STON2: variants seen among roughly 807,000 people sequenced by gnomAD.
STON2 encodes the protein stonin-2.
In STON2, 29 loss-of-function variants were observed where a neutral mutation model predicts 65.7. That is an observed-to-expected ratio of 0.44 (90% confidence interval 0.33 to 0.60). The LOEUF (loss-of-function observed/expected upper bound fraction) is 0.60. Among genes scored for constraint, STON2 ranks in the 20% least tolerant of loss-of-function variants. The probability of loss-of-function intolerance (pLI) is 0.03; values close to 1 mark genes in which losing one functional copy is unlikely to be tolerated. For missense variants in STON2, 1,054 were observed against 1,118.1 expected (o/e 0.94, Z 0.82); for synonymous variants, 404 against 414.2 (o/e 0.98, Z 0.30).
rs765943827 is a variant in STON2 at position 81,398,350 on chromosome 14, G to A, written c.33C>T (p.His11=). 8.7e-6 allele frequency: 14 copies of A among 1,613,978 alleles called. No individual in the cohort carries two copies. The Admixed American group carries it at 2.2e-4, about 25-fold the overall frequency. Residue 11 remains histidine (H), a synonymous_variant, in exon 2 of 8, where the codon CAC becomes CAT. Transcript: ENST00000614646. ...CATTGAAGGAGACCCATTCTGACTG[G>A]TGGGTGGCAATCACATGGTCCAAAG... The part of the protein sequence containing the change: MTTLDHVIAT[H]QSEWVSFNEE...
chr14:81,292,761 A>G (rs980711599), intron 5 of STON2, among the ~76,000 whole-genome samples: 3 of 152,194 alleles, frequency 2.0e-5, no homozygotes, highest in Admixed American at 6.5e-5. Flanking sequence ...TACCTTTATA[A>G]TAAGTGTCTT....
At position 81,265,764 on chromosome 14, in the gene STON2, A is replaced by C. The variant is rs1295273719; in HGVS notation, c.*2650T>G. 9 of 983,390 alleles carry C rather than the reference A, an allele frequency of 9.2e-6. No individual in the cohort carries two copies. The highest frequency in any genetic ancestry group is 9.7e-6 in the Non-Finnish European group (8 of 828,660). 60.9% of individuals were successfully genotyped at this position (983,390 alleles called of 1,614,324 possible). A position where few individuals can be genotyped will look rare whatever the true frequency, so the allele number is the denominator to read the frequency against. On this transcript the variant is annotated 3_prime_UTR_variant, in exon 8 of 8. Coordinates refer to ENST00000614646, the MANE Select transcript of STON2 (RefSeq NM_001394390.1). The stretch of plus-strand genomic sequence containing the variant: ...TTTTTCCCAACTCTTGGTAAAAAAA[A>C]CAAAAAAGTCCAGGTGCATGTACAC...
chr14:81,271,658 T>G (rs936180182), intron 6 of STON2, among the ~76,000 whole-genome samples: 7 of 152,230 alleles, frequency 4.6e-5, no homozygotes, highest in Non-Finnish European at 1.0e-4. Context: ...GTAACTCCAC[T>G]ATACTCGTGA....
chr14:81,329,350 G>C lies in STON2; in HGVS notation c.572-5163C>G, dbSNP rs184975129. The stretch of plus-strand genomic sequence containing the variant: ...GGCGCCTGTAGTCCCAGCTACTGGG[G>C]AGGCTGAGGCAGGAGAATGGCATGA... On this transcript the variant is annotated intron_variant, in intron 4 of 7. Coordinates refer to ENST00000614646, the MANE Select transcript of STON2 (RefSeq NM_001394390.1). Among the ~76,000 whole-genome samples, 956 of 152,076 alleles carry C rather than the reference G, an allele frequency of 6.3e-3. 11 individuals carry two copies. The highest frequency in any genetic ancestry group is 0.021 in the African/African-American group (891 of 41,448).
chr14:81,333,403 GA>G (rs1277756495), intron 4 of STON2: 2 of 406,182 alleles, frequency 4.9e-6, no homozygotes, highest in East Asian at 4.5e-5. Context: ...GCTATTCTAA[GA>G]GCTTTAAATA....
chr14:81,403,022 G>A (rs1012000409), upstream of STON2, among the ~76,000 whole-genome samples: 1 of 152,268 alleles, frequency 6.6e-6, no homozygotes, highest in South Asian at 2.1e-4. Flanking sequence ...AATAAAAATT[G>A]TCGTATAAAT....
intron 5 of STON2, among the ~76,000 whole-genome samples, chr14:81,312,193 C>G (rs1299445667): frequency 6.6e-6 from 1 of 152,182 alleles, no homozygotes; most frequent in Non-Finnish European, 1.5e-5. Flanking sequence ...ATAGAGTCTG[C>G]TGGGATCTAA....
At chr14:81,434,611 TA>T (rs576185742) in intron 1 of STON2, among the ~76,000 whole-genome samples, 3 of 152,264 alleles carry the variant, frequency 2.0e-5, no homozygotes, top group South Asian at 4.2e-4. Context: ...GGTTGGGGGA[TA>T]GGGGGTAGTA....
intron 4 of STON2, among the ~76,000 whole-genome samples, chr14:81,332,680 G>A (rs994622167): frequency 1.3e-4 from 20 of 152,146 alleles, no homozygotes; most frequent in Non-Finnish European, 2.1e-4. Flanking sequence ...AAACAGGGAA[G>A]AAGCTGTCAT....
In STON2 at chr14:81,266,237, C is replaced by T; in HGVS notation, c.*2177G>A. 1 of 323,486 alleles carries T rather than the reference C, an allele frequency of 3.1e-6. No individual in the cohort carries two copies. The highest frequency in any genetic ancestry group is 4.4e-6 in the Non-Finnish European group (1 of 224,778). 20.0% of individuals were successfully genotyped at this position (323,486 alleles called of 1,614,324 possible). On this transcript the variant is annotated 3_prime_UTR_variant, in exon 8 of 8. Transcript: ENST00000614646. ...GGTTATTTTAACTGTTGGGCATTCACAGGAACAGGAAATCTTACTAACTTG... is the reference window on the plus strand; with the variant it reads ...GGTTATTTTAACTGTTGGGCATTCATAGGAACAGGAAATCTTACTAACTTG...
At chr14:81,430,231 T>C (rs1018550346) in intron 1 of STON2, among the ~76,000 whole-genome samples, 7 of 152,224 alleles carry the variant, frequency 4.6e-5, no homozygotes, top group African/African-American at 1.7e-4. Flanking sequence ...CTGGATTATT[T>C]GCCTACTGTT....
intron 5 of STON2, among the ~76,000 whole-genome samples, chr14:81,318,231 T>G (rs1896698017): frequency 6.6e-6 from 1 of 152,158 alleles, no homozygotes; most frequent in Admixed American, 6.6e-5. Flanking sequence ...CTCAAAGTGC[T>G]GGGATTATAG....
intron 4 of STON2, among the ~76,000 whole-genome samples, chr14:81,332,241 A>C (rs995843849): frequency 3.3e-5 from 5 of 152,192 alleles, no homozygotes; most frequent in Non-Finnish European, 7.3e-5. Context: ...TATTCACCCA[A>C]CACCATCTAT....
chr14:81,283,804 C>T (rs1895227039), intron 5 of STON2, among the ~76,000 whole-genome samples: 1 of 152,204 alleles, frequency 6.6e-6, no homozygotes, highest in African/African-American at 2.4e-5. Context: ...GCTGGGATTA[C>T]AGGCGTGAGC....
upstream of STON2, among the ~76,000 whole-genome samples, chr14:81,403,848 A>C (rs116423753): frequency 0.011 from 1,602 of 152,326 alleles, 26 homozygotes; most frequent in African/African-American, 0.037. Flanking sequence ...TCCAATAAGT[A>C]AAGTACCACA....
At chr14:81,322,607 A>C (rs1316485632) in intron 5 of STON2, among the ~76,000 whole-genome samples, 1 of 152,188 alleles carries the variant, frequency 6.6e-6, no homozygotes, top group Admixed American at 6.5e-5. Context: ...GACAATGATG[A>C]CGTAGTGCTG....
At chr14:81,270,999 A>G (rs752759886) in intron 6 of STON2, 127 bp from the exon 7 acceptor site, 12 of 1,269,940 alleles carry the variant, frequency 9.4e-6, no homozygotes, top group Middle Eastern at 5.7e-4. Context: ...CAGAGGGTCC[A>G]GTGTTGAGCA....
At chr14:81,308,651 T>C in intron 5 of STON2, among the ~76,000 whole-genome samples, 1 of 151,536 alleles carries the variant, frequency 6.6e-6, no homozygotes, top group Non-Finnish European at 1.5e-5. Flanking sequence ...CCATCCCTAA[T>C]AACCCATGGG....
At chr14:81,394,661 GA>G (rs1324508319) in intron 3 of STON2, among the ~76,000 whole-genome samples, 1 of 152,140 alleles carries the variant, frequency 6.6e-6, no homozygotes, top group African/African-American at 2.4e-5. Context: ...AGATGTCAGG[GA>G]AAGATGTGAC....
Sources: allele counts gnomAD v4.1 joint callset (sites outside exome capture counted in the v4.1 genomes callset), GRCh38; gene constraint gnomAD v4.1.1; transcripts MANE v1.5; gene names NCBI Gene and HGNC (gene_info 2026-07-23, HGNC 2026-07-21).